The following SGCZ variants were observed in gnomAD, a reference collection of about 807,000 sequenced individuals.
The protein encoded by SGCZ is zeta-sarcoglycan.
In SGCZ, 40 loss-of-function variants were observed where a neutral mutation model predicts 41.3. The observed-to-expected ratio is 0.97, with a 90% CI of 0.75 to 1.26. The LOEUF is 1.26. SGCZ is among the 50% of genes most tolerant of loss of function. The pLI, the probability that SGCZ is intolerant of heterozygous loss-of-function variation, is 0.00. For missense variants in SGCZ, 552 were observed against 369.8 expected (o/e 1.49, Z -4.04); for synonymous variants, 206 against 137.5 (o/e 1.50, Z -3.49).
chr8:14,995,098 G>T (rs1437648896), intron 1 of SGCZ, among the ~76,000 whole-genome samples: 7 of 152,254 alleles, frequency 4.6e-5, no homozygotes, highest in African/African-American at 1.7e-4. Flanking sequence ...TAGGAGAAAT[G>T]CTTGCAGAAG....
At chr8:14,428,565 T>C (rs1354989999) in intron 2 of SGCZ, among the ~76,000 whole-genome samples, 1 of 152,228 alleles carries the variant, frequency 6.6e-6, no homozygotes, top group Non-Finnish European at 1.5e-5. Context: ...ATTCAACATT[T>C]TATTTAAAAT....
At chr8:15,046,898 T>A (rs1198683527) in intron 1 of SGCZ, among the ~76,000 whole-genome samples, 1 of 152,058 alleles carries the variant, frequency 6.6e-6, no homozygotes, top group Non-Finnish European at 1.5e-5. Context: ...ATTCTCTATA[T>A]AACTAATTTG....
chr8:14,924,982 C>T (rs1478473501), intron 1 of SGCZ, among the ~76,000 whole-genome samples: 4 of 151,652 alleles, frequency 2.6e-5, no homozygotes, highest in South Asian at 2.1e-4. Context: ...CTCAGCCTCC[C>T]GAGTAGCTGC....
At chr8:15,075,250 C>T (rs1364383716) in intron 1 of SGCZ, among the ~76,000 whole-genome samples, 2 of 152,016 alleles carry the variant, frequency 1.3e-5, no homozygotes, top group African/African-American at 4.8e-5. Flanking sequence ...GATTATCATT[C>T]CCGCTTAGGG....
At chr8:14,979,842 T>G (rs1801604235) in intron 1 of SGCZ, among the ~76,000 whole-genome samples, 1 of 152,190 alleles carries the variant, frequency 6.6e-6, no homozygotes, top group Admixed American at 6.5e-5. Context: ...AAATGCAGCT[T>G]TGTGTTTTCC....
rs1172791695 is a variant in SGCZ, at chr8:14,344,905, G to T, written c.235-20701C>A. ...AATGAGAATTTCTACATTGCAGAGG[G>T]TTTCTAATGATAGTGGATTTCTACG... On this transcript the variant is annotated intron_variant, in intron 2 of 7. Coordinates refer to ENST00000382080, the MANE Select transcript of SGCZ (RefSeq NM_139167.4). Among the ~76,000 whole-genome samples the T allele has an allele frequency of 2.0e-5, 3 of 152,082 alleles. No individual in the cohort carries two copies. In the East Asian group the frequency reaches 5.8e-4, roughly 29 times the overall value.
chr8:15,206,581 T>G, intron 1 of SGCZ, among the ~76,000 whole-genome samples: 1 of 151,818 alleles, frequency 6.6e-6, no homozygotes, highest in Non-Finnish European at 1.5e-5. Flanking sequence ...CCGGAGTAGC[T>G]GGGATTACAG....
chr8:14,290,313 G>A (rs1380272061), intron 3 of SGCZ, among the ~76,000 whole-genome samples: 2 of 66,742 alleles, frequency 3.0e-5, no homozygotes, highest in Non-Finnish European at 7.8e-5. Context: ...AGGTACATAG[G>A]CAACAAAAGA....
chr8:14,216,122 C>T (rs1253084522), intron 4 of SGCZ, among the ~76,000 whole-genome samples: 1 of 152,218 alleles, frequency 6.6e-6, no homozygotes, highest in Admixed American at 6.5e-5. Context: ...GAGAGAGTAG[C>T]CTTGCAGGTA....
At chr8:14,858,433 A>AT (rs1370897296) in intron 1 of SGCZ, among the ~76,000 whole-genome samples, 1 of 152,060 alleles carries the variant, frequency 6.6e-6, no homozygotes, top group Non-Finnish European at 1.5e-5. Context: ...ATTATTTCTG[A>AT]TTTTATTTCC....
chr8:14,160,901 T>A (rs778553695), intron 5 of SGCZ, among the ~76,000 whole-genome samples: 1 of 152,188 alleles, frequency 6.6e-6, no homozygotes, highest in Non-Finnish European at 1.5e-5. Flanking sequence ...TCCACTGAAG[T>A]CATCCTGAAA....
intron 2 of SGCZ, among the ~76,000 whole-genome samples, chr8:14,483,334 C>G (rs563298104): frequency 1.1e-4 from 16 of 152,188 alleles, no homozygotes; most frequent in Admixed American, 8.5e-4. Context: ...CTTTGGGAGG[C>G]ATAGGCAGGA....
At chr8:14,467,436 T>C (rs1801083432) in intron 2 of SGCZ, among the ~76,000 whole-genome samples, 1 of 151,970 alleles carries the variant, frequency 6.6e-6, no homozygotes, top group Admixed American at 6.6e-5. Flanking sequence ...ACAAATCTCT[T>C]ATATTTGGAG....
intron 1 of SGCZ, among the ~76,000 whole-genome samples, chr8:14,562,331 G>A (rs1804230677): frequency 6.6e-6 from 1 of 152,072 alleles, no homozygotes; most frequent in South Asian, 2.1e-4. Flanking sequence ...GAAGGTAGAG[G>A]TCAAGATTGA....
chr8:14,305,964 A>T (rs567942817), intron 3 of SGCZ, among the ~76,000 whole-genome samples: 3 of 152,188 alleles, frequency 2.0e-5, no homozygotes, highest in Non-Finnish European at 4.4e-5. Context: ...TGCCATTTCA[A>T]CCATCATACC....
chr8:14,894,863 G>C (rs887417388), intron 1 of SGCZ, among the ~76,000 whole-genome samples: 1 of 152,086 alleles, frequency 6.6e-6, no homozygotes, highest in Non-Finnish European at 1.5e-5. Flanking sequence ...CAGAGTTTCT[G>C]CAGGAGACAC....
chr8:14,760,066 C>A (rs969520934), intron 1 of SGCZ, among the ~76,000 whole-genome samples: 1 of 152,182 alleles, frequency 6.6e-6, no homozygotes, highest in African/African-American at 2.4e-5. Flanking sequence ...AACTAACCCA[C>A]CACCCGCCCC....
At chr8:14,237,496 C>CAAA (rs2117167368) in intron 4 of SGCZ, 96 bp downstream of exon 4, 1 of 1,156,446 alleles carries the variant, frequency 8.6e-7, no homozygotes, top group Non-Finnish European at 1.3e-6. Context: ...ACAACAACAA[C>CAAA]AACAACAACA....
At chr8:14,237,056 T>A (rs1431627850) in intron 4 of SGCZ, among the ~76,000 whole-genome samples, 1 of 152,122 alleles carries the variant, frequency 6.6e-6, no homozygotes, top group South Asian at 2.1e-4. Flanking sequence ...ATACAATTTA[T>A]TAGAAAATAT....
Sources: allele counts gnomAD v4.1 joint callset (sites outside exome capture counted in the v4.1 genomes callset), GRCh38; gene constraint gnomAD v4.1.1; transcripts MANE v1.5; gene names NCBI Gene and HGNC (gene_info 2026-07-23, HGNC 2026-07-21).